The following HIBADH variants were observed in gnomAD, a reference collection of about 807,000 sequenced individuals.
HIBADH encodes the protein 3-hydroxyisobutyrate dehydrogenase, mitochondrial.
A neutral mutation model predicts 36.1 loss-of-function variants in HIBADH; 25 were observed. That is an observed-to-expected ratio of 0.69 (90% CI 0.50 to 0.97). The LOEUF (loss-of-function observed/expected upper bound fraction) is 0.97. Among genes scored for constraint, HIBADH ranks in the 50% least tolerant of loss-of-function variants. The pLI, the probability that HIBADH is intolerant of heterozygous loss-of-function variation, is 0.00. For synonymous variants in HIBADH, 160 were observed against 149.5 expected (o/e 1.07, Z -0.51); for missense variants, 421 against 418.0 (o/e 1.01, Z -0.06).
intron 4 of HIBADH, among the ~76,000 whole-genome samples, chr7:27,616,708 C>T (rs930375287): frequency 4.6e-5 from 7 of 152,018 alleles, no homozygotes; most frequent in Non-Finnish European, 8.8e-5. Flanking sequence ...GTGATGTGCT[C>T]GCCTTGGCCT....
intron 4 of HIBADH, among the ~76,000 whole-genome samples, chr7:27,582,529 A>G (rs1490505919): frequency 1.3e-5 from 2 of 152,146 alleles, no homozygotes; most frequent in African/African-American, 2.4e-5. Flanking sequence ...TTTCTGGCTT[A>G]GTCGTAGAAT....
chr7:27,612,612 C>G (rs977573662), intron 4 of HIBADH, among the ~76,000 whole-genome samples: 3 of 151,520 alleles, frequency 2.0e-5, no homozygotes, highest in African/African-American at 7.3e-5. Flanking sequence ...CATGAGCCAC[C>G]GCGCCCAGCC....
chr7:27,560,119 A>G lies in HIBADH; in HGVS notation c.485-17019T>C, dbSNP rs1158248135. On this transcript the variant is annotated intron_variant, in intron 4 of 7. Coordinates refer to ENST00000265395, the MANE Select transcript of HIBADH (RefSeq NM_152740.4). ...GATGTTGCCATCAAATCTTGTTTACATTTCTATTATTATTATTTTGATAAC... is the reference window on the plus strand; with the variant it reads ...GATGTTGCCATCAAATCTTGTTTACGTTTCTATTATTATTATTTTGATAAC... Among the ~76,000 whole-genome samples the G allele has an allele frequency of 2.0e-5, 3 of 152,040 alleles. No individual in the cohort carries two copies. In the East Asian group the frequency reaches 5.8e-4, roughly 29 times the overall value.
At chr7:27,590,699 A>C (rs960858324) in intron 4 of HIBADH, among the ~76,000 whole-genome samples, 3 of 152,200 alleles carry the variant, frequency 2.0e-5, no homozygotes, top group African/African-American at 7.2e-5. Flanking sequence ...GTATCTGTTA[A>C]TCCCGTCATA....
intron 2 of HIBADH, among the ~76,000 whole-genome samples, chr7:27,647,111 C>T (rs1786086932): frequency 6.6e-6 from 1 of 152,130 alleles, no homozygotes; most frequent in African/African-American, 2.4e-5. Context: ...AGCAACACTA[C>T]TCTTGCGCTT....
chr7:27,526,424 T>C, intron 7 of HIBADH, 52 bp from the exon 8 acceptor site: 1 of 1,477,876 alleles, frequency 6.8e-7, no homozygotes, highest in South Asian at 1.4e-5. Context: ...AAAGGCTCTT[T>C]GGAACTGTGG....
chr7:27,661,073 T>G (rs1488270309), intron 1 of HIBADH, among the ~76,000 whole-genome samples: 1 of 152,210 alleles, frequency 6.6e-6, no homozygotes, highest in African/African-American at 2.4e-5. Context: ...GTCTATTCTT[T>G]TAGGGTTATC....
chr7:27,658,792 T>G (rs2128298208), intron 1 of HIBADH, among the ~76,000 whole-genome samples: 2 of 152,352 alleles, frequency 1.3e-5, no homozygotes, highest in Admixed American at 1.3e-4. Flanking sequence ...AATACATTTT[T>G]TATATCTATT....
intron 4 of HIBADH, among the ~76,000 whole-genome samples, chr7:27,580,054 A>G (rs1322809556): frequency 3.9e-5 from 6 of 152,236 alleles, no homozygotes; most frequent in African/African-American, 1.2e-4. Context: ...GGGAAAAGAG[A>G]TATAGAACTA....
intron 4 of HIBADH, among the ~76,000 whole-genome samples, chr7:27,552,179 G>A (rs1784328175): frequency 6.6e-6 from 1 of 152,220 alleles, no homozygotes; most frequent in Non-Finnish European, 1.5e-5. Flanking sequence ...AGCGTGCCAT[G>A]TTTGATTTGT....
intron 4 of HIBADH, among the ~76,000 whole-genome samples, chr7:27,595,003 A>G (rs1234403029): frequency 6.6e-6 from 1 of 152,218 alleles, no homozygotes; most frequent in African/African-American, 2.4e-5. Context: ...GAAGATGTAC[A>G]TAAATTTCTT....
At chr7:27,640,126 T>C (rs529773155) in intron 2 of HIBADH, among the ~76,000 whole-genome samples, 1 of 152,330 alleles carries the variant, frequency 6.6e-6, no homozygotes, top group South Asian at 2.1e-4. Context: ...CTTATTATTG[T>C]CATATTCCTG....
Position 27,585,214 on chromosome 7 carries a change from CGT to C in HIBADH, c.485-42116_485-42115del, listed in dbSNP as rs368488489. ...ACACACATATGTATGTATAAAAGTA[CGT>C]GTGTATATTTGCATGTGCACACACG... On this transcript the variant is annotated intron_variant, in intron 4 of 7. Transcript: ENST00000265395. Among the ~76,000 whole-genome samples the C allele has an allele frequency of 3.2e-3, 486 of 151,282 alleles. 4 individuals are homozygous for C. The highest frequency in any genetic ancestry group is 0.011 in the African/African-American group (465 of 41,312).
At chr7:27,576,219 GTTAT>G (rs1238763712) in intron 4 of HIBADH, among the ~76,000 whole-genome samples, 2 of 152,190 alleles carry the variant, frequency 1.3e-5, no homozygotes, top group Admixed American at 1.3e-4. Flanking sequence ...AAAAGTAATT[GTTAT>G]TTAGAGTAAA....
intron 4 of HIBADH, among the ~76,000 whole-genome samples, chr7:27,580,848 G>C (rs1424660443): frequency 6.6e-6 from 1 of 152,170 alleles, no homozygotes; most frequent in Non-Finnish European, 1.5e-5. Flanking sequence ...AGGTAAGAGA[G>C]GTGGAGATCA....
At chr7:27,634,290 A>G (rs1432976571) in intron 2 of HIBADH, among the ~76,000 whole-genome samples, 1 of 152,170 alleles carries the variant, frequency 6.6e-6, no homozygotes, top group Non-Finnish European at 1.5e-5. Flanking sequence ...CAACCTGTAT[A>G]TTTTGATATA....
At chr7:27,552,258 T>C (rs1015785307) in intron 4 of HIBADH, among the ~76,000 whole-genome samples, 1 of 152,192 alleles carries the variant, frequency 6.6e-6, no homozygotes, top group Non-Finnish European at 1.5e-5. Flanking sequence ...CACAGATGAA[T>C]GGCTTTGCAC....
At chr7:27,610,110 C>T (rs141346935) in intron 4 of HIBADH, among the ~76,000 whole-genome samples, 2,479 of 152,188 alleles carry the variant, frequency 0.016, 22 homozygotes, top group South Asian at 0.025. Context: ...TGAGCCATCA[C>T]GCCTGGCCAA....
intron 2 of HIBADH, chr7:27,647,754 C>T (rs1234553993): frequency 2.6e-6 from 1 of 381,072 alleles, no homozygotes; most frequent in Non-Finnish European, 5.4e-6. Context: ...TGAGGTAATT[C>T]AGGCAGAGCA....
Sources: gnomAD v4.1 joint callset for allele counts (sites outside exome capture counted in the v4.1 genomes callset) on GRCh38, gnomAD v4.1.1 for gene constraint, MANE v1.5 for transcripts, NCBI Gene and HGNC (gene_info 2026-07-23, HGNC 2026-07-21) for gene names.